The following OPCML variants were observed in gnomAD, a reference collection of about 807,000 sequenced individuals.
OPCML encodes opioid binding protein/cell adhesion molecule like, also known as opioid-binding protein/cell adhesion molecule.
Under a neutral mutation model 37.8 loss-of-function variants are expected in OPCML, and 13 were observed. That is an observed-to-expected ratio of 0.34 (90% CI 0.22 to 0.55). The LOEUF is 0.55. Among genes scored for constraint, OPCML ranks in the 20% least tolerant of loss-of-function variants. The pLI, the probability that OPCML is intolerant of heterozygous loss-of-function variation, is 0.91. For synonymous variants in OPCML, 176 were observed against 168.8 expected (o/e 1.04, Z -0.33); for missense variants, 341 against 435.6 (o/e 0.78, Z 1.93).
chr11:132,789,520 T>C (rs968710801), intron 2 of OPCML, among the ~76,000 whole-genome samples: 15 of 152,152 alleles, frequency 9.9e-5, no homozygotes, highest in African/African-American at 3.4e-4. Context: ...CAGAATTAGA[T>C]ACTGACATCA....
At chr11:133,024,248 G>A (rs1051386795) in intron 1 of OPCML, 1 of 630,204 alleles carries the variant, frequency 1.6e-6, no homozygotes, top group African/African-American at 2.0e-5. Flanking sequence ...GTGGGGGGCT[G>A]GGGTGAGAAG....
chr11:132,451,889 C>A (rs1423899211), intron 4 of OPCML, among the ~76,000 whole-genome samples: 1 of 152,080 alleles, frequency 6.6e-6, no homozygotes, highest in Non-Finnish European at 1.5e-5. Context: ...GTTTTTTGTG[C>A]CCCGTTTTCT....
At chr11:133,344,903 G>T (rs2136678498) in intron 1 of OPCML, among the ~76,000 whole-genome samples, 1 of 152,280 alleles carries the variant, frequency 6.6e-6, no homozygotes, top group Non-Finnish European at 1.5e-5. Context: ...TTAGGAGCTT[G>T]CAAAGAGACA....
In OPCML at chr11:132,732,367, G is replaced by A. The variant is rs374576334; in HGVS notation, c.147-75048C>T. 2.6e-5 allele frequency among the ~76,000 whole-genome samples: 4 copies of A among 152,332 alleles called. 1 individual carries two copies. In the East Asian group the frequency reaches 7.7e-4, roughly 29 times the overall value. On this transcript the variant is annotated intron_variant, in intron 2 of 7. Coordinates refer to ENST00000524381, the MANE Select transcript of OPCML (RefSeq NM_001012393.5). ...AGGTTTCTGACAAGACTTGCTAAGA[G>A]AGATTGTGGTGTTGTTAAGGGAGAA...
chr11:133,092,932 C>A (rs1250669188), intron 1 of OPCML, among the ~76,000 whole-genome samples: 1 of 152,106 alleles, frequency 6.6e-6, no homozygotes, highest in African/African-American at 2.4e-5. Context: ...TGCACCCATT[C>A]TCATCCCATA....
At chr11:132,606,648 C>G (rs946229240) in intron 3 of OPCML, among the ~76,000 whole-genome samples, 2 of 146,486 alleles carry the variant, frequency 1.4e-5, no homozygotes, top group Non-Finnish European at 3.0e-5. Flanking sequence ...AAGCCTCTCC[C>G]CTTTTCCCAC....
intron 3 of OPCML, among the ~76,000 whole-genome samples, chr11:132,596,428 T>C (rs1253731996): frequency 6.6e-6 from 1 of 152,230 alleles, no homozygotes; most frequent in Non-Finnish European, 1.5e-5. Context: ...ACATTTATTC[T>C]ATGAAGACAA....
At chr11:132,958,147 T>C (rs10894630) in intron 1 of OPCML, among the ~76,000 whole-genome samples, 45,692 of 152,058 alleles carry the variant, frequency 0.3, 7,141 homozygotes, top group Admixed American at 0.4. Context: ...GCCACTCCAG[T>C]GAACACACAA....
intron 1 of OPCML, among the ~76,000 whole-genome samples, chr11:133,514,479 T>A (rs1948221272): frequency 6.6e-6 from 1 of 152,242 alleles, no homozygotes; most frequent in Admixed American, 6.5e-5. Flanking sequence ...GTGCTTGGCA[T>A]CTGCCGTTAC....
intron 1 of OPCML, among the ~76,000 whole-genome samples, chr11:133,250,637 T>C (rs975007595): frequency 1.3e-5 from 2 of 151,924 alleles, no homozygotes; most frequent in Admixed American, 6.6e-5. Context: ...TGACAATGAG[T>C]GAAGAGAGTA....
chr11:132,988,733 T>C (rs907017475), intron 1 of OPCML, among the ~76,000 whole-genome samples: 42 of 152,206 alleles, frequency 2.8e-4, no homozygotes, highest in African/African-American at 9.6e-4. Flanking sequence ...GTGGGTTTGT[T>C]TGATCAAAGG....
intron 1 of OPCML, chr11:133,361,851 G>A: frequency 6.6e-6 from 1 of 152,634 alleles, no homozygotes; most frequent in Non-Finnish European, 1.5e-5. Flanking sequence ...TCAGCATGCG[G>A]GACAGCAGCG....
At chr11:133,375,124 C>T (rs1391599545) in intron 1 of OPCML, among the ~76,000 whole-genome samples, 1 of 152,168 alleles carries the variant, frequency 6.6e-6, no homozygotes, top group Admixed American at 6.5e-5. Context: ...GTTCTGCTCC[C>T]CACCGCATGA....
intron 3 of OPCML, among the ~76,000 whole-genome samples, chr11:132,648,186 C>T (rs1941250702): frequency 6.6e-6 from 1 of 152,180 alleles, no homozygotes; most frequent in African/African-American, 2.4e-5. Flanking sequence ...ATGTAAGATC[C>T]TCACTATATG....
chr11:133,140,817 A>C (rs371669738), intron 1 of OPCML, among the ~76,000 whole-genome samples: 2 of 47,406 alleles, frequency 4.2e-5, no homozygotes, highest in Non-Finnish European at 5.5e-5. Flanking sequence ...ACGACGACGA[A>C]GAAGAAGACG....
At chr11:133,229,209 C>T (rs1034320314) in intron 1 of OPCML, among the ~76,000 whole-genome samples, 6 of 152,164 alleles carry the variant, frequency 3.9e-5, no homozygotes, top group African/African-American at 1.2e-4. Context: ...GCTCAGCATT[C>T]AGTTAAAATA....
At chr11:133,437,628 T>C (rs865954710) in intron 1 of OPCML, among the ~76,000 whole-genome samples, 4 of 146,830 alleles carry the variant, frequency 2.7e-5, no homozygotes, top group Admixed American at 6.7e-5. Context: ...GCAACCCCGC[T>C]CACCTCTCCC....
At chr11:133,084,064 T>C (rs1445412377) in intron 1 of OPCML, among the ~76,000 whole-genome samples, 1 of 152,042 alleles carries the variant, frequency 6.6e-6, no homozygotes. Flanking sequence ...AGACCTCTCT[T>C]GACATTTTTT....
chr11:133,037,082 C>G (rs991721746), intron 1 of OPCML, among the ~76,000 whole-genome samples: 1 of 152,138 alleles, frequency 6.6e-6, no homozygotes, highest in Middle Eastern at 3.2e-3. Context: ...ACATACAAAC[C>G]AGGCTATCCA....
Sources: allele counts gnomAD v4.1 joint callset (sites outside exome capture counted in the v4.1 genomes callset), GRCh38; gene constraint gnomAD v4.1.1; transcripts MANE v1.5; gene names NCBI Gene and HGNC (gene_info 2026-07-23, HGNC 2026-07-21).